MALRD1: variants seen among roughly 807,000 people sequenced by gnomAD.
The protein encoded by MALRD1 is MAM and LDL-receptor class A domain-containing protein 1.
In MALRD1, 247 loss-of-function variants were observed where a neutral mutation model predicts 242.1. That is an observed-to-expected ratio of 1.02 (90% confidence interval 0.92 to 1.13). MALRD1 has a LOEUF of 1.13. Ranked by LOEUF, MALRD1 falls within the 50% of genes most tolerant of loss-of-function variation. MALRD1 has a pLI of 0.00. For synonymous variants in MALRD1, 995 were observed against 866.6 expected (o/e 1.15, Z -2.60); for missense variants, 2,989 against 2,533.1 (o/e 1.18, Z -3.86).
Position 19,389,502 on chromosome 10 carries a change from G to A in MALRD1, c.4738G>A (p.Ala1580Thr). The A allele has an allele frequency of 1.9e-6, 3 of 1,550,588 alleles. No individual in the cohort carries two copies. The highest frequency in any genetic ancestry group is 2.6e-6 in the Non-Finnish European group (3 of 1,146,934). The change falls in exon 28 of 40, where the codon GCA becomes ACA. Residue 1580 changes from alanine to threonine, a missense_variant. Transcript: ENST00000454679. ...TGCAGTGGGCCTTCGGGGTGACAAA[G>A]CACACTTCAGGAGTACCATGTGGCG... ...ATAVGLRGDKAHFRSTMWRES... is the reference protein window; with the variant it reads ...ATAVGLRGDKTHFRSTMWRES...
At chr10:19,295,213 AT>A (rs1425429988) in intron 21 of MALRD1, among the ~76,000 whole-genome samples, 1 of 152,060 alleles carries the variant, frequency 6.6e-6, no homozygotes, top group Non-Finnish European at 1.5e-5. Context: ...ATTATTATAA[AT>A]TATTACAAAT....
intron 5 of MALRD1, among the ~76,000 whole-genome samples, chr10:19,123,085 C>A (rs377040605): frequency 1.2e-4 from 19 of 152,250 alleles, no homozygotes; most frequent in African/African-American, 4.6e-4. Flanking sequence ...CAGGGAAGAT[C>A]CACCTTCCAG....
intron 32 of MALRD1, among the ~76,000 whole-genome samples, chr10:19,554,968 A>G (rs766313776): frequency 6.6e-6 from 1 of 152,176 alleles, no homozygotes; most frequent in Non-Finnish European, 1.5e-5. Context: ...AGGAATCGCC[A>G]TACTGTCTTA....
intron 36 of MALRD1, among the ~76,000 whole-genome samples, chr10:19,638,651 A>G (rs1256340016): frequency 6.6e-6 from 1 of 152,186 alleles, no homozygotes; most frequent in East Asian, 1.9e-4. Context: ...ATTTCCAGCT[A>G]CTTCAGGAAT....
chr10:19,341,900 A>G (rs1460001790), intron 24 of MALRD1, among the ~76,000 whole-genome samples: 3 of 151,938 alleles, frequency 2.0e-5, no homozygotes, highest in African/African-American at 4.8e-5. Context: ...GAATTTCACC[A>G]CCCACTTTAT....
At chr10:19,422,968 A>G (rs186110204) in intron 28 of MALRD1, among the ~76,000 whole-genome samples, 1 of 152,228 alleles carries the variant, frequency 6.6e-6, no homozygotes, top group East Asian at 1.9e-4. Context: ...GCTCATATCT[A>G]CTGTTCTCCT....
chr10:19,446,980 T>G (rs1349145118), intron 28 of MALRD1, among the ~76,000 whole-genome samples: 1 of 151,874 alleles, frequency 6.6e-6, no homozygotes, highest in Non-Finnish European at 1.5e-5. Context: ...TAACGACATA[T>G]GTGGAATAAA....
chr10:19,066,720 T>C lies in MALRD1; in HGVS notation c.201T>C (p.Cys67=). The change falls in exon 2 of 40, where the codon TGT becomes TGC. Residue 67 remains cysteine, a splice_region_variant and synonymous_variant. Transcript: ENST00000454679. ...QCGDSSDERH[C]LNYERCDFED... ...CCAACTTTTCTTCTTTCTCATTAGGTTTGAATTATGAAAGATGTGATTTTG... is the reference window on the plus strand; with the variant it reads ...CCAACTTTTCTTCTTTCTCATTAGGCTTGAATTATGAAAGATGTGATTTTG... 1 of 1,233,644 alleles carries C rather than the reference T, an allele frequency of 8.1e-7. No homozygotes were observed. Among genetic ancestry groups the C allele is most frequent in the South Asian group, 4.1e-5 (1 of 24,412 alleles). The allele number at this position is 1,233,644 out of a possible 1,614,324, so 76.4% of individuals were successfully genotyped here.
intron 1 of MALRD1, among the ~76,000 whole-genome samples, chr10:19,066,217 G>T (rs1044537589): frequency 6.6e-6 from 1 of 152,052 alleles, no homozygotes; most frequent in Admixed American, 6.6e-5. Flanking sequence ...ATCTTTACGC[G>T]TTAAGTCCAG....
At chr10:19,540,518 C>T (rs764829416) in intron 32 of MALRD1, among the ~76,000 whole-genome samples, 44 of 152,078 alleles carry the variant, frequency 2.9e-4, no homozygotes, top group Non-Finnish European at 4.9e-4. Flanking sequence ...AGAGGAAATG[C>T]GTTGATACTT....
Position 19,470,355 on chromosome 10 carries a change from A to C in MALRD1, c.5029+19865A>C, listed in dbSNP as rs147317317. Among the ~76,000 whole-genome samples the C allele has an allele frequency of 2.6e-3, 395 of 152,088 alleles. 1 individual carries two copies. Among genetic ancestry groups the C allele is most frequent in the Non-Finnish European group, 4.2e-3 (286 of 67,876 alleles). On this transcript the variant is annotated intron_variant, in intron 29 of 39. Coordinates refer to ENST00000454679, the MANE Select transcript of MALRD1 (RefSeq NM_001142308.3). ...TTTATGCATTCATCCATCCATGGAC[A>C]TTTAGGTTGTTTCCATATCTTGGTT...
In MALRD1 at chr10:19,484,670, T is replaced by C. The variant is rs12249843; in HGVS notation, c.5030-6847T>C. Among the ~76,000 whole-genome samples, 946 of 152,290 alleles carry C rather than the reference T, an allele frequency of 6.2e-3. 8 individuals carry two copies. Among genetic ancestry groups the C allele is most frequent in the African/African-American group, 0.021 (855 of 41,574 alleles). ...TTGAAAATACTTTTTAAAAGCATAATAATATATGTTGGCACAGATATTGTT... is the reference window on the plus strand; with the variant it reads ...TTGAAAATACTTTTTAAAAGCATAACAATATATGTTGGCACAGATATTGTT... On this transcript the variant is annotated intron_variant, in intron 29 of 39. Coordinates refer to ENST00000454679, the MANE Select transcript of MALRD1 (RefSeq NM_001142308.3).
At chr10:19,063,416 T>A (rs961768051) in intron 1 of MALRD1, among the ~76,000 whole-genome samples, 3 of 152,154 alleles carry the variant, frequency 2.0e-5, no homozygotes, top group Admixed American at 1.3e-4. Flanking sequence ...CTTTCCAGAG[T>A]TAATCCTGAG....
chr10:19,589,501 C>G (rs1037903490), intron 33 of MALRD1, among the ~76,000 whole-genome samples: 1 of 152,050 alleles, frequency 6.6e-6, no homozygotes, highest in Non-Finnish European at 1.5e-5. Context: ...ACTTGGGATC[C>G]TTCTTTTGAG....
intron 33 of MALRD1, among the ~76,000 whole-genome samples, chr10:19,570,300 T>C (rs1309820923): frequency 2.0e-5 from 3 of 152,040 alleles, no homozygotes; most frequent in Admixed American, 1.3e-4. Flanking sequence ...GACTGGGGTA[T>C]ACAGATATCC....
At chr10:19,165,225 A>C (rs1834623896) in intron 12 of MALRD1, among the ~76,000 whole-genome samples, 1 of 138,226 alleles carries the variant, frequency 7.2e-6, no homozygotes, top group South Asian at 2.3e-4. Flanking sequence ...ATTATATTTA[A>C]CACAGAAGTT....
chr10:19,394,230 T>G (rs1032696339), intron 28 of MALRD1, among the ~76,000 whole-genome samples: 1 of 152,266 alleles, frequency 6.6e-6, no homozygotes, highest in African/African-American at 2.4e-5. Flanking sequence ...TTCAGATAAC[T>G]TTAGAGTTGG....
rs1240717900 is a variant in MALRD1 at position 19,490,503 on chromosome 10, G to GGGC, written c.5030-1011_5030-1009dup. Reference sequence around the variant, plus strand: ...TGATGTAAACAGAAGAAGCCAAGTGGGGCGGGGGGGGGGCAGGGTTATGGG... The same window carrying GGGC: ...TGATGTAAACAGAAGAAGCCAAGTGGGGCGGCGGGGGGGGGGCAGGGTTATGGG... On this transcript the variant is annotated intron_variant, in intron 29 of 39. Transcript: ENST00000454679. Among the ~76,000 whole-genome samples, 48 of 37,618 alleles carry GGGC rather than the reference G, an allele frequency of 1.3e-3. 3 individuals carry two copies. The East Asian group carries it at 0.043, about 34-fold the overall frequency. 24.7% of individuals were successfully genotyped at this position (37,618 alleles called of 152,430 possible).
At chr10:19,229,664 T>G (rs553829883) in intron 18 of MALRD1, among the ~76,000 whole-genome samples, 8 of 152,130 alleles carry the variant, frequency 5.3e-5, no homozygotes, top group Non-Finnish European at 1.2e-4. Context: ...CTTTTTGTCC[T>G]CCCATGATGA....
Sources: allele counts gnomAD v4.1 joint callset (sites outside exome capture counted in the v4.1 genomes callset), GRCh38; gene constraint gnomAD v4.1.1; transcripts MANE v1.5; gene names NCBI Gene and HGNC (gene_info 2026-07-23, HGNC 2026-07-21).